Variants in FRMPD4 observed in about 807,000 individuals in gnomAD.
FRMPD4 encodes the protein FERM and PDZ domain-containing protein 4.
A neutral mutation model predicts 94.1 loss-of-function variants in FRMPD4; 22 were observed. The observed-to-expected ratio is 0.23, with a 90% CI of 0.17 to 0.33. The LOEUF (loss-of-function observed/expected upper bound fraction) is 0.33. Among genes scored for constraint, FRMPD4 ranks in the 10% least tolerant of loss-of-function variants. The pLI is 1.00. For missense variants in FRMPD4, 1,111 were observed against 1,339.9 expected (o/e 0.83, Z 2.67); for synonymous variants, 631 against 548.6 (o/e 1.15, Z -2.10).
chrX:12,616,368 G>GA (rs1374482047), intron 4 of FRMPD4, among the ~76,000 whole-genome samples: 3 of 112,019 alleles, frequency 2.7e-5, no homozygotes, highest in African/African-American at 9.7e-5. Context: ...ACTGCCTCCA[G>GA]AACTGTGAGA....
intron 1 of FRMPD4, among the ~76,000 whole-genome samples, chrX:12,374,091 G>C (rs2056199478): frequency 8.9e-6 from 1 of 111,749 alleles, no homozygotes; most frequent in Non-Finnish European, 1.9e-5. Context: ...CCAAATGAGA[G>C]CTCTGTAGAT....
In FRMPD4 at chrX:12,231,038, A is replaced by T. The variant is rs1164547398; in HGVS notation, c.41+92026A>T. Reference sequence around the variant, plus strand: ...TATATAGTATATATATAGTATATATATATATATATAAAATATATATATATA... The same window carrying T: ...TATATAGTATATATATAGTATATATTTATATATATAAAATATATATATATA... On this transcript the variant is annotated intron_variant, in intron 1 of 16. Transcript: ENST00000675598. Among the ~76,000 whole-genome samples the T allele has an allele frequency of 1.1e-4, 7 of 62,457 alleles. No individual in the cohort carries two copies. The East Asian group carries it at 3.3e-3, about 29-fold the overall frequency. The allele number at this position is 62,457 out of a possible 115,157, so 54.2% of individuals were successfully genotyped here. A position where few individuals can be genotyped will look rare whatever the true frequency, so the allele number is the denominator to read the frequency against.
chrX:11,909,545 T>C (rs1290400401), intron 3 of FRMPD4, among the ~76,000 whole-genome samples: 1 of 110,681 alleles, frequency 9.0e-6, no homozygotes, highest in Non-Finnish European at 1.9e-5. Context: ...TTTTGCTCTT[T>C]ATTCATTTTT....
At chrX:12,164,831 G>T (rs973399522) in intron 1 of FRMPD4, among the ~76,000 whole-genome samples, 1 of 112,371 alleles carries the variant, frequency 8.9e-6, no homozygotes, top group Non-Finnish European at 1.9e-5. Flanking sequence ...GTGTTTTTTG[G>T]CTGCATAAAT....
chrX:12,186,303 A>G (rs2056423823), intron 1 of FRMPD4, among the ~76,000 whole-genome samples: 1 of 111,884 alleles, frequency 8.9e-6, no homozygotes, highest in South Asian at 3.7e-4. Flanking sequence ...TGACCTTTGT[A>G]GTATATGGGA....
At chrX:12,493,935 AGTT>A (rs1238100679) in intron 1 of FRMPD4, among the ~76,000 whole-genome samples, 2 of 112,108 alleles carry the variant, frequency 1.8e-5, no homozygotes, top group Admixed American at 9.5e-5. Flanking sequence ...ACTGTGAGCT[AGTT>A]GTTATTATTT....
rs370094307 is a variant in FRMPD4 at position 12,543,558 on chromosome X, C to T, written c.158+44762C>T. Among the ~76,000 whole-genome samples, 8 of 112,005 alleles carry T rather than the reference C, an allele frequency of 7.1e-5. No individual in the cohort carries two copies. The South Asian group carries it at 1.5e-3, about 21-fold the overall frequency. On this transcript the variant is annotated intron_variant, in intron 2 of 16. Coordinates refer to ENST00000675598, the MANE Select transcript of FRMPD4 (RefSeq NM_001368397.1). ...CAATGAGATACCATCTCACACCAGT[C>T]AGAATGGCAATCATTAAAAAGTCTG...
chrX:12,663,478 C>A (rs189475476), intron 4 of FRMPD4, among the ~76,000 whole-genome samples: 2 of 111,616 alleles, frequency 1.8e-5, no homozygotes, highest in South Asian at 3.7e-4. Flanking sequence ...TGTTTTTGTC[C>A]GGTTTGTCAG....
At chrX:12,392,149 T>C (rs1220567840) in intron 1 of FRMPD4, among the ~76,000 whole-genome samples, 2 of 108,875 alleles carry the variant, frequency 1.8e-5, no homozygotes, top group Non-Finnish European at 3.8e-5. Context: ...CAAGCAATTC[T>C]CCTGCCTCAG....
At chrX:12,317,585 CAA>C (rs376884335) in intron 1 of FRMPD4, among the ~76,000 whole-genome samples, 12,924 of 42,290 alleles carry the variant, frequency 0.31, 1,038 homozygotes, top group African/African-American at 0.39. Flanking sequence ...AACTAAATAG[CAA>C]AAAAAAAAAA....
intron 1 of FRMPD4, among the ~76,000 whole-genome samples, chrX:12,486,321 T>C (rs911405628): frequency 3.6e-5 from 4 of 112,069 alleles, no homozygotes; most frequent in African/African-American, 9.7e-5. Context: ...AGCCCCACTC[T>C]AGGCCTACGG....
At chrX:12,126,455 T>C (rs932802922) in intron 3 of FRMPD4, among the ~76,000 whole-genome samples, 3 of 111,565 alleles carry the variant, frequency 2.7e-5, no homozygotes, top group African/African-American at 9.8e-5. Flanking sequence ...TTTTAGTGTC[T>C]TACAAAGCCA....
At chrX:12,147,306 G>A (rs886155960) in intron 1 of FRMPD4, among the ~76,000 whole-genome samples, 1 of 112,245 alleles carries the variant, frequency 8.9e-6, no homozygotes, top group Non-Finnish European at 1.9e-5. Flanking sequence ...AGAAGTCACA[G>A]GGTATCTGTT....
chrX:12,278,069 T>C (rs1034299658), intron 1 of FRMPD4, among the ~76,000 whole-genome samples: 2 of 112,947 alleles, frequency 1.8e-5, no homozygotes, highest in Non-Finnish European at 3.7e-5. Flanking sequence ...TCATTTTTTA[T>C]TCTCTAGTTA....
intron 3 of FRMPD4, among the ~76,000 whole-genome samples, chrX:12,021,477 T>C (rs2054632004): frequency 8.9e-6 from 1 of 112,037 alleles, no homozygotes; most frequent in Admixed American, 9.5e-5. Context: ...CAATATCATT[T>C]AAAGGAACAA....
chrX:11,861,621 T>C (rs1043686655), intron 1 of FRMPD4, among the ~76,000 whole-genome samples: 2 of 111,522 alleles, frequency 1.8e-5, no homozygotes, highest in Non-Finnish European at 3.8e-5. Context: ...CAATCCTACC[T>C]GAGGTCTACT....
At chrX:12,075,703 ACTTTC>A (rs2055007668) in intron 3 of FRMPD4, among the ~76,000 whole-genome samples, 1 of 111,737 alleles carries the variant, frequency 8.9e-6, no homozygotes, top group Admixed American at 9.5e-5. Flanking sequence ...GCAGCAAGTC[ACTTTC>A]CAGACTTTAT....
chrX:12,512,566 G>C (rs1261998225), intron 2 of FRMPD4, among the ~76,000 whole-genome samples: 1 of 112,603 alleles, frequency 8.9e-6, no homozygotes, highest in Non-Finnish European at 1.9e-5. Flanking sequence ...TCCTTTTTAT[G>C]GCTGCATAGT....
intron 14 of FRMPD4, among the ~76,000 whole-genome samples, chrX:12,715,245 A>G (rs2042057335): frequency 8.9e-6 from 1 of 112,449 alleles, no homozygotes; most frequent in South Asian, 3.7e-4. Context: ...ACAAAATAAT[A>G]GTATTTAAAT....
Sources: allele counts gnomAD v4.1 joint callset (sites outside exome capture counted in the v4.1 genomes callset), GRCh38; gene constraint gnomAD v4.1.1; transcripts MANE v1.5; gene names NCBI Gene and HGNC (gene_info 2026-07-23, HGNC 2026-07-21).